The following CACNA2D3 variants were observed in gnomAD, a reference collection of about 807,000 sequenced individuals.
CACNA2D3 encodes the protein calcium voltage-gated channel auxiliary subunit alpha2delta 3.
CACNA2D3 carries 60 observed loss-of-function variants against 160.6 expected under a neutral mutation model. That is an observed-to-expected ratio of 0.37 (90% CI 0.30 to 0.46). The LOEUF (loss-of-function observed/expected upper bound fraction) is 0.46, where lower values mean the gene tolerates loss of function less well. Ranked by LOEUF, CACNA2D3 falls within the 20% of genes least tolerant of loss-of-function variation. CACNA2D3 has a pLI of 1.00. For synonymous variants in CACNA2D3, 558 were observed against 492.9 expected, an observed-to-expected ratio of 1.13 and a Z score of -1.75; for missense variants, 1,205 against 1,365.0, an observed-to-expected ratio of 0.88 and a Z score of 1.85.
intron 11 of CACNA2D3, among the ~76,000 whole-genome samples, chr3:54,660,247 G>A (rs376969446): frequency 7.0e-4 from 105 of 150,804 alleles, no homozygotes; most frequent in African/African-American, 2.4e-3. Context: ...TGCAAGCTCC[G>A]CCTCCCAAGT....
chr3:54,924,689 C>A, intron 27 of CACNA2D3: 1 of 1,614,082 alleles, frequency 6.2e-7, no homozygotes, highest in Non-Finnish European at 8.5e-7. Context: ...AGAGGTTGTC[C>A]TTGAGAAGTA....
At chr3:54,420,439 T>C (rs1488741017) in intron 4 of CACNA2D3, among the ~76,000 whole-genome samples, 3 of 152,210 alleles carry the variant, frequency 2.0e-5, no homozygotes, top group Non-Finnish European at 4.4e-5. Flanking sequence ...AAAATTCTCT[T>C]TGGTTTAGTG....
intron 11 of CACNA2D3, among the ~76,000 whole-genome samples, chr3:54,704,734 C>T (rs942824620): frequency 3.9e-5 from 6 of 152,062 alleles, no homozygotes; most frequent in Admixed American, 1.3e-4. Context: ...AGATGTGGGA[C>T]TCCTTCCTAT....
intron 5 of CACNA2D3, among the ~76,000 whole-genome samples, chr3:54,504,085 A>G (rs983942508): frequency 1.3e-5 from 2 of 152,052 alleles, no homozygotes; most frequent in African/African-American, 4.8e-5. Context: ...CTGACCCCTG[A>G]TGTGGTACCT....
At chr3:54,687,939 C>T (rs1700500505) in intron 11 of CACNA2D3, among the ~76,000 whole-genome samples, 1 of 152,148 alleles carries the variant, frequency 6.6e-6, no homozygotes, top group African/African-American at 2.4e-5. Flanking sequence ...CCTTAGCCAA[C>T]AGGTTTTTTT....
At chr3:54,888,761 C>T (rs770529620) in intron 24 of CACNA2D3, among the ~76,000 whole-genome samples, 34 of 149,106 alleles carry the variant, frequency 2.3e-4, no homozygotes, top group Non-Finnish European at 1.6e-4. Flanking sequence ...TTCATTCCCT[C>T]ATTGTATCTT....
chr3:54,455,327 C>T (rs1052319859), intron 4 of CACNA2D3, among the ~76,000 whole-genome samples: 17 of 151,990 alleles, frequency 1.1e-4, no homozygotes, highest in Admixed American at 6.6e-4. Flanking sequence ...TTGTATTTTC[C>T]TGTTGATTAG....
In CACNA2D3 at chr3:54,973,345, C is replaced by T. The variant is rs192164954; in HGVS notation, c.2556+3501C>T. Reference sequence around the variant, plus strand: ...TCTCCTTTTCCACTCACCTGTGCAACACTTCTCATCTCCTGATGAGAGTAC... The same window carrying T: ...TCTCCTTTTCCACTCACCTGTGCAATACTTCTCATCTCCTGATGAGAGTAC... On this transcript the variant is annotated intron_variant, in intron 29 of 37. Transcript: ENST00000474759. Among the ~76,000 whole-genome samples the T allele has an allele frequency of 2.0e-5, 3 of 152,266 alleles. No individual in the cohort carries two copies. In the East Asian group the frequency reaches 5.8e-4, roughly 29 times the overall value.
intron 17 of CACNA2D3, among the ~76,000 whole-genome samples, chr3:54,850,023 G>A (rs938716842): frequency 1.3e-5 from 2 of 152,188 alleles, no homozygotes; most frequent in African/African-American, 4.8e-5. Flanking sequence ...CTCAGACATA[G>A]GGGCCTTAAT....
intron 9 of CACNA2D3, among the ~76,000 whole-genome samples, chr3:54,622,368 C>A (rs1447347851): frequency 6.6e-6 from 1 of 152,142 alleles, no homozygotes; most frequent in South Asian, 2.1e-4. Flanking sequence ...CTCTGCCTCC[C>A]GGGTTCACGC....
At chr3:55,057,993 A>G (rs1704405944) in intron 35 of CACNA2D3, among the ~76,000 whole-genome samples, 1 of 152,224 alleles carries the variant, frequency 6.6e-6, no homozygotes, top group Non-Finnish European at 1.5e-5. Flanking sequence ...TCACCAAAAA[A>G]AAATCCATAG....
intron 11 of CACNA2D3, among the ~76,000 whole-genome samples, chr3:54,659,269 G>A (rs1269446640): frequency 6.6e-6 from 1 of 152,242 alleles, no homozygotes; most frequent in East Asian, 1.9e-4. Flanking sequence ...TGCCCAGAGT[G>A]GTGCCTGGCA....
At chr3:54,786,724 T>C (rs1165519164) in intron 13 of CACNA2D3, among the ~76,000 whole-genome samples, 1 of 152,222 alleles carries the variant, frequency 6.6e-6, no homozygotes, top group East Asian at 1.9e-4. Context: ...ATAAACAGTA[T>C]GTAATTTCAC....
At chr3:54,787,281 T>C (rs1702659598) in intron 13 of CACNA2D3, among the ~76,000 whole-genome samples, 1 of 152,226 alleles carries the variant, frequency 6.6e-6, no homozygotes, top group African/African-American at 2.4e-5. Context: ...TCAGTTGAAA[T>C]TCATTGCTTC....
chr3:54,913,016 G>A (rs1700591370), intron 27 of CACNA2D3, among the ~76,000 whole-genome samples: 2 of 152,100 alleles, frequency 1.3e-5, no homozygotes, highest in Non-Finnish European at 2.9e-5. Context: ...AGGATGGGCT[G>A]TACAGACTAT....
At chr3:54,426,308 A>G (rs1699911287) in intron 4 of CACNA2D3, among the ~76,000 whole-genome samples, 2 of 152,232 alleles carry the variant, frequency 1.3e-5, no homozygotes. Flanking sequence ...AGTAATTTTT[A>G]TAGCTCTAAG....
At chr3:54,387,570 TG>T (rs1211402074) in intron 4 of CACNA2D3, among the ~76,000 whole-genome samples, 12 of 152,314 alleles carry the variant, frequency 7.9e-5, no homozygotes, top group African/African-American at 2.6e-4. Context: ...GAGAATTGCT[TG>T]AACCTGGGCA....
At chr3:54,986,481 T>C (rs1333726764) in intron 30 of CACNA2D3, among the ~76,000 whole-genome samples, 2 of 152,200 alleles carry the variant, frequency 1.3e-5, no homozygotes, top group Admixed American at 6.5e-5. Flanking sequence ...CCACAGAGTT[T>C]GCAAAAGTTT....
chr3:54,267,212 G>A (rs1024184363), intron 2 of CACNA2D3, among the ~76,000 whole-genome samples: 8 of 152,150 alleles, frequency 5.3e-5, no homozygotes, highest in African/African-American at 1.9e-4. Flanking sequence ...TACTCAGTGT[G>A]TTTCTACCTT....
Sources: gnomAD v4.1 joint callset for allele counts (sites outside exome capture counted in the v4.1 genomes callset) on GRCh38, gnomAD v4.1.1 for gene constraint, MANE v1.5 for transcripts, NCBI Gene and HGNC (gene_info 2026-07-23, HGNC 2026-07-21) for gene names.